Variants in SENP1 observed in about 807,000 individuals in gnomAD.
The protein encoded by SENP1 is sentrin-specific protease 1.
Under a neutral mutation model 93.0 loss-of-function variants are expected in SENP1, and 21 were observed. The observed-to-expected ratio is 0.23, with a 90% CI of 0.16 to 0.33. SENP1 has a LOEUF of 0.33. Among genes scored for constraint, SENP1 ranks in the 10% least tolerant of loss-of-function variants. The pLI, the probability that SENP1 is intolerant of heterozygous loss-of-function variation, is 1.00. For missense variants in SENP1, 591 were observed against 758.7 expected (o/e 0.78, Z 2.60); for synonymous variants, 256 against 259.6 (o/e 0.99, Z 0.13).
chr12:48,074,877 A>C, intron 6 of SENP1, 84 bp from the exon 7 acceptor site: 1 of 867,212 alleles, frequency 1.2e-6, no homozygotes, highest in Non-Finnish European at 1.8e-6. Context: ...ACAGAATCCT[A>C]GCTCTGCCAA....
At position 48,068,713 on chromosome 12, in the gene SENP1, C is replaced by T. The variant is rs1487549227; in HGVS notation, c.996-1748G>A. Among the ~76,000 whole-genome samples the T allele has an allele frequency of 2.0e-5, 3 of 151,888 alleles. No homozygotes were observed. The East Asian group carries it at 5.8e-4, about 29-fold the overall frequency. On this transcript the variant is annotated intron_variant, in intron 9 of 17. Transcript: ENST00000549518. ...TATTTACTGAGCACCCATCATATGCCAAGCACTATGACCAGCAATGGGTGA... is the reference window on the plus strand; with the variant it reads ...TATTTACTGAGCACCCATCATATGCTAAGCACTATGACCAGCAATGGGTGA...
At chr12:48,098,979 A>T (rs1207535397) in intron 2 of SENP1, 3 of 152,162 alleles carry the variant, frequency 2.0e-5, no homozygotes, top group African/African-American at 7.2e-5. Context: ...GCCATCTACC[A>T]AACAGTTCAA....
chr12:48,071,077 C>G (rs766677430), intron 9 of SENP1, among the ~76,000 whole-genome samples: 26 of 152,028 alleles, frequency 1.7e-4, no homozygotes, highest in Non-Finnish European at 3.7e-4. Context: ...GAGCAAGACC[C>G]TGTCTCAAAA....
intron 6 of SENP1, among the ~76,000 whole-genome samples, chr12:48,081,729 C>A (rs1048205615): frequency 6.6e-6 from 1 of 151,916 alleles, no homozygotes; most frequent in Non-Finnish European, 1.5e-5. Flanking sequence ...TGCCACCACA[C>A]CCAGCTAATT....
chr12:48,070,747 C>G (rs1181695340), intron 9 of SENP1, among the ~76,000 whole-genome samples: 2 of 152,076 alleles, frequency 1.3e-5, no homozygotes, highest in African/African-American at 2.4e-5. Flanking sequence ...AATGAATGAT[C>G]AGACATGAAT....
chr12:48,103,518 T>A (rs986196452), intron 1 of SENP1, among the ~76,000 whole-genome samples: 1 of 152,234 alleles, frequency 6.6e-6, no homozygotes, highest in Non-Finnish European at 1.5e-5. Flanking sequence ...TACAAATACA[T>A]CCAGCTACTT....
At chr12:48,056,173 TTA>T (rs1473280300) in intron 13 of SENP1, among the ~76,000 whole-genome samples, 6 of 113,746 alleles carry the variant, frequency 5.3e-5, no homozygotes, top group Non-Finnish European at 9.6e-5. Context: ...ATATATTATT[TTA>T]TATATATTAT....
chr12:48,085,033 T>C lies in SENP1; in HGVS notation c.381-1271A>G, dbSNP rs1415158830. 1.0e-5 allele frequency: 12 copies of C among 1,148,156 alleles called. No homozygotes were observed. In the African/African-American group the frequency reaches 1.2e-4, roughly 12 times the overall value. The allele number at this position is 1,148,156 out of a possible 1,614,324, so 71.1% of individuals were successfully genotyped here. ...GGGAAATGAGAGTGGCTTCTGGTGC[T>C]CTGGGGTGAGCTCTGCCTGGCTGCA... On this transcript the variant is annotated intron_variant, in intron 5 of 17. Coordinates refer to ENST00000549518, the MANE Select transcript of SENP1 (RefSeq NM_001267594.2).
intron 13 of SENP1, among the ~76,000 whole-genome samples, chr12:48,061,786 G>A (rs1942977005): frequency 1.3e-5 from 2 of 152,092 alleles, no homozygotes; most frequent in Admixed American, 6.6e-5. Flanking sequence ...CTTCTCAAGG[G>A]CAGTAACTTT....
intron 11 of SENP1, 120 bp downstream of exon 11, chr12:48,065,476 T>C (rs1199291530): frequency 1.5e-6 from 1 of 681,754 alleles, no homozygotes; most frequent in East Asian, 2.7e-5. Context: ...CATAACATGC[T>C]ATGCTACCAT....
At chr12:48,083,334 T>C (rs757952630) in intron 6 of SENP1, among the ~76,000 whole-genome samples, 58 of 152,198 alleles carry the variant, frequency 3.8e-4, no homozygotes, top group Non-Finnish European at 1.8e-4. Flanking sequence ...TCAGGCAACA[T>C]TAAAGATTAA....
Position 48,063,726 on chromosome 12 carries a change from T to C in SENP1, c.1391A>G (p.Asn464Ser), listed in dbSNP as rs1943111102. The part of the protein sequence containing the change: ...RKDIQTLNHL[N>S]WLNDEIINFY... ...CAACATTACCTCATCATTGAGCCAA[T>C]TCAGATGGTTTAGAGTTTGAATATC... Residue 464 changes from asparagine to serine, a missense_variant, in exon 13 of 18, where the codon AAT (asparagine) becomes AGT (serine). This residue lies in a region of SENP1 where 132 missense variants were observed against 230.1 expected (regional missense o/e 0.57). Transcript: ENST00000549518. The C allele has an allele frequency of 6.2e-7, 1 of 1,612,946 alleles. No homozygotes were observed. Among genetic ancestry groups the C allele is most frequent in the Non-Finnish European group, 8.5e-7 (1 of 1,179,308 alleles).
rs754246267 is a variant in SENP1, at chr12:48,048,967, A to G, written c.1573T>C (p.Leu525=). 2.5e-6 allele frequency: 4 copies of G among 1,613,752 alleles called. No individual in the cohort carries two copies. In the South Asian group the frequency reaches 3.3e-5, roughly 13 times the overall value. The change falls in exon 14 of 18, where the codon TTG becomes CTG. Residue 525 remains leucine, a synonymous_variant. Coordinates refer to ENST00000549518, the MANE Select transcript of SENP1 (RefSeq NM_001267594.2). ...TGTACTCCCAGGTGAATGGGCACCA[A>G]AAGAATGTCAACAGAAAATACATCT... ...KVDVFSVDIL[L]VPIHLGVHWC...
chr12:48,069,276 G>A lies in SENP1; in HGVS notation c.996-2311C>T, dbSNP rs191971570. 2.5e-3 allele frequency among the ~76,000 whole-genome samples: 385 copies of A among 152,112 alleles called. 1 individual carries two copies. Among genetic ancestry groups the A allele is most frequent in the African/African-American group, 8.9e-3 (369 of 41,512 alleles). ...GATCAGAATGTATAAAGGCAAAGAG[G>A]TATGACACAGCATAGCATATTCTGG... On this transcript the variant is annotated intron_variant, in intron 9 of 17. Transcript: ENST00000549518.
At chr12:48,047,921 T>C (rs1364075400) in intron 15 of SENP1, 80 bp downstream of exon 15, 6 of 854,948 alleles carry the variant, frequency 7.0e-6, no homozygotes, top group South Asian at 4.3e-5. Flanking sequence ...ATTGAAGGTA[T>C]CAAACAACTG....
chr12:48,083,515 T>C (rs1944631656), intron 6 of SENP1, 76 bp downstream of exon 6: 5 of 1,167,880 alleles, frequency 4.3e-6, no homozygotes, highest in Admixed American at 4.7e-5. Context: ...AACAACTAAT[T>C]ATTAATAGGG....
chr12:48,088,519 G>T, intron 5 of SENP1: 1 of 366,942 alleles, frequency 2.7e-6, no homozygotes, highest in Non-Finnish European at 4.9e-6. Flanking sequence ...TTCACTTTAA[G>T]ATTTGCAAGA....
intron 5 of SENP1, chr12:48,085,185 G>C: frequency 6.8e-7 from 1 of 1,468,272 alleles, no homozygotes; most frequent in Non-Finnish European, 9.5e-7. Flanking sequence ...GGTGGAGAAG[G>C]ATACGACCAT....
At chr12:48,073,216 T>A (rs944682230) in intron 8 of SENP1, among the ~76,000 whole-genome samples, 2 of 152,122 alleles carry the variant, frequency 1.3e-5, no homozygotes, top group Admixed American at 6.6e-5. Context: ...TGTTTCAACT[T>A]AGTTGTATCT....
Sources: gnomAD v4.1 joint callset for allele counts (sites outside exome capture counted in the v4.1 genomes callset) on GRCh38, gnomAD v4.1.1 for gene constraint, gnomAD v4.1.1 regional missense constraint, MANE v1.5 for transcripts, NCBI Gene and HGNC (gene_info 2026-07-23, HGNC 2026-07-21) for gene names.